DMD: variants seen among roughly 807,000 people sequenced by gnomAD.
The protein encoded by DMD is dystrophin.
Under a neutral mutation model 330.1 loss-of-function variants are expected in DMD, and 63 were observed. That is an observed-to-expected ratio of 0.19 (90% CI 0.16 to 0.24). DMD has a LOEUF of 0.24. DMD is among the 10% of genes least tolerant of loss of function. DMD has a pLI of 1.00. For missense variants in DMD, 3,344 were observed against 2,684.1 expected (o/e 1.25, Z -5.43); for synonymous variants, 1,223 against 959.8 (o/e 1.27, Z -5.07).
rs886043687 is a variant in DMD at position 32,411,815 on chromosome X, G to C, written c.4170C>G (p.Asp1390Glu). The change falls in exon 30 of 79, where the codon GAC becomes GAG. Residue 1390 changes from aspartate (D) to glutamate (E), a missense_variant. By Grantham distance (45) the Asp-to-Glu change is conservative. Transcript: ENST00000357033. Reference protein sequence around the residue: ...HLIQESLTFIDKQLAAYIADK... With the variant: ...HLIQESLTFIEKQLAAYIADK... ...CTGCAATATAAGCTGCCAACTGCTT[G>C]TCAATGAATGTGAGGGACTCCTGGA... is the stretch of plus-strand genomic sequence containing the variant. 7 of 1,210,966 alleles carry C rather than the reference G, an allele frequency of 5.8e-6. No individual in the cohort carries two copies. Among genetic ancestry groups the C allele is most frequent in the Non-Finnish European group, 7.8e-6 (7 of 895,036 alleles).
At chrX:33,113,486 C>A (rs1446954986) in intron 1 of DMD, among the ~76,000 whole-genome samples, 1 of 112,014 alleles carries the variant, frequency 8.9e-6, no homozygotes. Context: ...CAATAAATTT[C>A]AAACGAATAA....
chrX:32,953,769 A>C (rs2091404119), intron 2 of DMD, among the ~76,000 whole-genome samples: 1 of 112,427 alleles, frequency 8.9e-6, no homozygotes, highest in African/African-American at 3.2e-5. Flanking sequence ...CATGAGAAAG[A>C]CATGTGCGGA....
chrX:31,378,211 G>T (rs1198405772), intron 60 of DMD, among the ~76,000 whole-genome samples: 1 of 111,418 alleles, frequency 9.0e-6, no homozygotes, highest in African/African-American at 3.3e-5. Flanking sequence ...CCTCCCTTGG[G>T]AGATCTATCC....
intron 2 of DMD, among the ~76,000 whole-genome samples, chrX:32,953,776 C>T (rs1366248553): frequency 8.9e-6 from 1 of 112,023 alleles, no homozygotes; most frequent in African/African-American, 3.2e-5. Flanking sequence ...AAGACATGTG[C>T]GGAAACTAGG....
chrX:31,553,466 ACC>A (rs2074615932), intron 55 of DMD, among the ~76,000 whole-genome samples: 1 of 112,144 alleles, frequency 8.9e-6, no homozygotes, highest in African/African-American at 3.2e-5. Context: ...AATGGCAAAG[ACC>A]ACAATTACTT....
chrX:32,274,137 G>A (rs1264823268), intron 43 of DMD, among the ~76,000 whole-genome samples: 1 of 111,470 alleles, frequency 9.0e-6, no homozygotes, highest in African/African-American at 3.3e-5. Flanking sequence ...TAGTCCTATG[G>A]ACACAAAATT....
At chrX:33,106,121 C>T (rs191785230) in intron 1 of DMD, among the ~76,000 whole-genome samples, 24 of 109,487 alleles carry the variant, frequency 2.2e-4, no homozygotes, top group African/African-American at 2.3e-4. Context: ...AATGAAATAA[C>T]GTCTTCTGCA....
intron 15 of DMD, among the ~76,000 whole-genome samples, chrX:32,572,248 T>A (rs188216042): frequency 2.9e-4 from 32 of 111,722 alleles, no homozygotes; most frequent in African/African-American, 9.4e-4. Context: ...AAAAAATGTA[T>A]GAAACAAATA....
chrX:32,579,037 C>T (rs2053368070), intron 13 of DMD, among the ~76,000 whole-genome samples: 1 of 110,515 alleles, frequency 9.0e-6, no homozygotes, highest in African/African-American at 3.3e-5. Context: ...ATGGAAATCA[C>T]ATCAAAAACC....
At chrX:31,410,921 GTTTTTTTTTTTTT>G (rs758238229) in intron 60 of DMD, among the ~76,000 whole-genome samples, 2 of 59,802 alleles carry the variant, frequency 3.3e-5, no homozygotes, top group Non-Finnish European at 5.9e-5. Context: ...CTGTGTGTGT[GTTTTTTTTTTTTT>G]TTTTTTTTTT....
Position 32,362,934 on chromosome X carries a change from T to C in DMD, c.5179A>G (p.Ile1727Val). The C allele has an allele frequency of 1.7e-6, 2 of 1,210,981 alleles. No individual in the cohort carries two copies. The highest frequency in any genetic ancestry group is 3.0e-5 in the East Asian group (1 of 33,794). ...CGTGTAGAGTCCACCTTTGGGCGTA[T>C]GTCATTCAGTTCTGCCTTTAAACGC... is the stretch of plus-strand genomic sequence containing the variant. ...LKRLKAELND[I>V]RPKVDSTRDQ... The change falls in exon 37 of 79, where the codon ATA becomes GTA. Residue 1727 changes from isoleucine (I) to valine (V), a missense_variant. By Grantham distance (29) the Ile-to-Val change is conservative (BLOSUM62 3). Transcript: ENST00000357033.
chrX:33,282,400 G>T (rs2053348449), intron 1 of DMD, among the ~76,000 whole-genome samples: 1 of 111,240 alleles, frequency 9.0e-6, no homozygotes, highest in South Asian at 3.8e-4. Flanking sequence ...GGCTGCCCCA[G>T]TATCTCTGTA....
chrX:32,842,695 A>C (rs2080276859), intron 4 of DMD, among the ~76,000 whole-genome samples: 1 of 111,831 alleles, frequency 8.9e-6, no homozygotes, highest in African/African-American at 3.2e-5. Flanking sequence ...TTTCTGTGTT[A>C]GTTTACTTAG....
intron 55 of DMD, among the ~76,000 whole-genome samples, chrX:31,573,542 T>G (rs1191498195): frequency 8.9e-6 from 1 of 111,959 alleles, no homozygotes; most frequent in African/African-American, 3.2e-5. Context: ...TCAAAAGACA[T>G]GATAATCATG....
chrX:32,950,976 T>C (rs776689765), intron 2 of DMD, among the ~76,000 whole-genome samples: 2 of 111,535 alleles, frequency 1.8e-5, no homozygotes, highest in Non-Finnish European at 3.8e-5. Flanking sequence ...ACTTGGTTGG[T>C]TGAACCTCCT....
At chrX:32,832,973 T>A (rs2079277584) in intron 4 of DMD, among the ~76,000 whole-genome samples, 1 of 111,397 alleles carries the variant, frequency 9.0e-6, no homozygotes, top group Admixed American at 9.6e-5. Flanking sequence ...CATTTTGACC[T>A]CAACTATATT....
chrX:32,218,427 G>C (rs778918106), intron 43 of DMD, among the ~76,000 whole-genome samples: 3 of 111,729 alleles, frequency 2.7e-5, no homozygotes, highest in Non-Finnish European at 3.8e-5. Context: ...ACAGATTACC[G>C]GCTATGGTGC....
chrX:32,548,715 A>G (rs1182270304), intron 16 of DMD, among the ~76,000 whole-genome samples: 1 of 111,743 alleles, frequency 8.9e-6, no homozygotes, highest in Non-Finnish European at 1.9e-5. Context: ...TATCTGCAAA[A>G]TGTTGCATTT....
intron 7 of DMD, among the ~76,000 whole-genome samples, chrX:32,746,295 C>G (rs770539454): frequency 2.7e-5 from 3 of 112,049 alleles, no homozygotes; most frequent in Non-Finnish European, 5.6e-5. Flanking sequence ...TTCAAGGGAT[C>G]CATGAACACT....
Sources: allele counts gnomAD v4.1 joint callset (sites outside exome capture counted in the v4.1 genomes callset), GRCh38; gene constraint gnomAD v4.1.1; transcripts MANE v1.5; gene names NCBI Gene and HGNC (gene_info 2026-07-23, HGNC 2026-07-21).